Variants in ZP2 observed in about 807,000 individuals in gnomAD.
ZP2 encodes the protein zona pellucida sperm-binding protein 2.
A neutral mutation model predicts 84.0 loss-of-function variants in ZP2; 51 were observed. That is an observed-to-expected ratio of 0.61 (90% CI 0.49 to 0.77). The LOEUF (loss-of-function observed/expected upper bound fraction) is 0.77. ZP2 is among the 30% of genes least tolerant of loss of function. The pLI is 0.00. For synonymous variants in ZP2, 375 were observed against 330.9 expected (o/e 1.13, Z -1.45); for missense variants, 909 against 911.9 (o/e 1.00, Z 0.04).
At chr16:21,212,581 T>C (rs2152857120), upstream of ZP2, among the ~76,000 whole-genome samples, 1 of 152,346 alleles carries the variant, frequency 6.6e-6, no homozygotes, top group South Asian at 2.1e-4. Flanking sequence ...GGCATAATAT[T>C]CAATTTGAGA....
chr16:21,210,099 C>A lies in ZP2; in HGVS notation c.235+10G>T. The A allele has an allele frequency of 6.2e-7, 1 of 1,610,826 alleles. No homozygotes were observed. Among genetic ancestry groups the A allele is most frequent in the Non-Finnish European group, 8.5e-7 (1 of 1,177,068 alleles). Reference sequence around the variant, plus strand: ...ATCAGGACTATGAGGAGATAACACACGTTACCTACCCACCACAGATGCATG... The same window carrying A: ...ATCAGGACTATGAGGAGATAACACAAGTTACCTACCCACCACAGATGCATG... On this transcript the variant is annotated intron_variant, in intron 3 of 18. Coordinates refer to ENST00000574091, the MANE Select transcript of ZP2 (RefSeq NM_001376232.1).
At chr16:21,212,162 G>A (rs1212270073), upstream of ZP2, among the ~76,000 whole-genome samples, 5 of 151,920 alleles carry the variant, frequency 3.3e-5, no homozygotes, top group Admixed American at 3.3e-4. Context: ...TCCTGACCTA[G>A]GTGATCCACG....
At chr16:21,211,751 G>A (rs978630724), upstream of ZP2, 12 of 1,472,902 alleles carry the variant, frequency 8.1e-6, no homozygotes, top group Non-Finnish European at 9.9e-6. Flanking sequence ...GCTGCCCTGT[G>A]GGCCAGGCAT....
rs1486661253 is a variant in ZP2, at chr16:21,204,396, G to A, written c.702C>T (p.Asn234=). The A allele has an allele frequency of 1.1e-5, 18 of 1,613,184 alleles. No homozygotes were observed. The highest frequency in any genetic ancestry group is 2.7e-5 in the African/African-American group (2 of 74,896). ...TCAGAGACACCATGTAGAGATGACT[G>A]TTACCTTGCTAGGGGGAGAAATAAC... is the stretch of plus-strand genomic sequence containing the variant. ...ATGVTHYVQG[N]SHLYMVSLKL... The change falls in exon 8 of 19, where the codon AAC becomes AAT. Residue 234 remains asparagine, a synonymous_variant. Transcript: ENST00000574091.
chr16:21,209,950 T>C, intron 3 of ZP2, 159 bp downstream of exon 3: 1 of 726,096 alleles, frequency 1.4e-6, no homozygotes, highest in Non-Finnish European at 2.4e-6. Context: ...AGGTCTTCCA[T>C]GCTGGGTGGC....
intron 2 of ZP2, 84 bp from the exon 3 acceptor site, chr16:21,210,276 G>T: frequency 9.1e-7 from 1 of 1,096,452 alleles, no homozygotes; most frequent in Non-Finnish European, 1.4e-6. Context: ...TCTCAGATGG[G>T]AGGGATTCCA....
intron 5 of ZP2, 163 bp from the exon 6 acceptor site, chr16:21,205,938 T>C: frequency 1.5e-6 from 1 of 669,020 alleles, no homozygotes; most frequent in Non-Finnish European, 2.7e-6. Flanking sequence ...ATTATACTTC[T>C]TTGAACTTCT....
chr16:21,205,649 A>C, intron 6 of ZP2, 65 bp from the exon 7 acceptor site: 2 of 1,612,044 alleles, frequency 1.2e-6, no homozygotes, highest in Non-Finnish European at 1.7e-6. Flanking sequence ...GTAGTCTAAC[A>C]ATTTATCAGG....
At chr16:21,200,847 T>C (rs909580911) in intron 14 of ZP2, among the ~76,000 whole-genome samples, 4 of 152,162 alleles carry the variant, frequency 2.6e-5, no homozygotes, top group Non-Finnish European at 5.9e-5. Flanking sequence ...AACACCATAG[T>C]AGAGTCAGAC....
intron 10 of ZP2, 152 bp downstream of exon 10, chr16:21,202,973 C>A: frequency 4.6e-6 from 4 of 863,686 alleles, no homozygotes; most frequent in Non-Finnish European, 6.6e-6. Context: ...AGGACCCCAT[C>A]GTAGCAGCTA....
chr16:21,210,009 T>G, intron 3 of ZP2, 100 bp downstream of exon 3: 2 of 1,070,762 alleles, frequency 1.9e-6, no homozygotes, highest in Non-Finnish European at 1.4e-6. Flanking sequence ...TGGATGCCGT[T>G]GCTGCAGGAG....
upstream of ZP2, among the ~76,000 whole-genome samples, chr16:21,213,021 T>G (rs1231484343): frequency 1.3e-5 from 2 of 152,220 alleles, no homozygotes; most frequent in Admixed American, 6.5e-5. Context: ...CAAAAGTGAT[T>G]GCAGTTTTTG....
At chr16:21,201,234 C>T in intron 14 of ZP2, 135 bp downstream of exon 14, 3 of 734,728 alleles carry the variant, frequency 4.1e-6, no homozygotes, top group Non-Finnish European at 4.0e-6. Context: ...GCAGAAGAGT[C>T]CCAATTAGAA....
chr16:21,210,012 T>C, intron 3 of ZP2, 97 bp downstream of exon 3: 1 of 1,101,078 alleles, frequency 9.1e-7, no homozygotes. Flanking sequence ...ATGCCGTTGC[T>C]GCAGGAGTTT....
At position 21,211,299 on chromosome 16, in the gene ZP2, A is replaced by G; in HGVS notation, c.151+8T>C. ...GCTAAGAAGACTTCTGTCACCCAAG[A>G]GACATACCTGGAAAGGCAGGATTTA... On this transcript the variant is annotated splice_region_variant and intron_variant, in intron 2 of 18. Coordinates refer to ENST00000574091, the MANE Select transcript of ZP2 (RefSeq NM_001376232.1). 1 of 1,612,958 alleles carries G rather than the reference A, an allele frequency of 6.2e-7. No individual in the cohort carries two copies. The highest frequency in any genetic ancestry group is 8.5e-7 in the Non-Finnish European group (1 of 1,178,966).
At chr16:21,203,330 A>T in intron 9 of ZP2, 79 bp from the exon 10 acceptor site, 2 of 1,579,322 alleles carry the variant, frequency 1.3e-6, no homozygotes, top group Non-Finnish European at 1.7e-6. Flanking sequence ...AAGCAAGTCC[A>T]CTAAATACTT....
intron 2 of ZP2, among the ~76,000 whole-genome samples, chr16:21,210,973 G>A (rs955879792): frequency 6.6e-6 from 1 of 151,138 alleles, no homozygotes; most frequent in Non-Finnish European, 1.5e-5. Context: ...CTCCAGTTTT[G>A]CTTGTTATGT....
At chr16:21,203,569 C>A (rs1034951549) in intron 9 of ZP2, among the ~76,000 whole-genome samples, 1 of 152,174 alleles carries the variant, frequency 6.6e-6, no homozygotes, top group African/African-American at 2.4e-5. Context: ...CAAAAGGACT[C>A]TACAGATGTT....
In ZP2 at chr16:21,203,222, G is replaced by A. The variant is rs368441627; in HGVS notation, c.1002C>T (p.Phe334=). 1.2e-6 allele frequency: 2 copies of A among 1,613,852 alleles called. No homozygotes were observed. Among genetic ancestry groups the A allele is most frequent in the Non-Finnish European group, 1.7e-6 (2 of 1,179,872 alleles). ...AGGTCAGCTTGAGTGAAGCTAAGTA[G>A]AACTGATGGAGTAGGCATTTTTCAG... is the stretch of plus-strand genomic sequence containing the variant. ...KLSEKCLLHQ[F]YLASLKLTFL... is the part of the protein sequence containing the mutation. Residue 334 remains phenylalanine, a synonymous_variant, in exon 10 of 19, where the codon TTC becomes TTT. Coordinates refer to ENST00000574091, the MANE Select transcript of ZP2 (RefSeq NM_001376232.1).
Sources: allele counts gnomAD v4.1 joint callset (sites outside exome capture counted in the v4.1 genomes callset), GRCh38; gene constraint gnomAD v4.1.1; transcripts MANE v1.5; gene names NCBI Gene and HGNC (gene_info 2026-07-23, HGNC 2026-07-21).